Variants in CCSER2 observed in about 807,000 individuals in gnomAD.
CCSER2 encodes serine-rich coiled-coil domain-containing protein 2.
In CCSER2, 46 loss-of-function variants were observed where a neutral mutation model predicts 92.3. The ratio of observed to expected loss-of-function variants is 0.50; its 90% confidence interval spans 0.39 to 0.64. The LOEUF is 0.64. Among genes scored for constraint, CCSER2 ranks in the 30% least tolerant of loss-of-function variants. The pLI, the probability that CCSER2 is intolerant of heterozygous loss-of-function variation, is 0.00. For missense variants in CCSER2, 1,244 were observed against 1,238.9 expected (o/e 1.00, Z -0.06); for synonymous variants, 433 against 431.4 (o/e 1.00, Z -0.04).
chr10:84,458,584 A>G (rs566575685), intron 6 of CCSER2, among the ~76,000 whole-genome samples: 1 of 152,270 alleles, frequency 6.6e-6, no homozygotes, highest in East Asian at 1.9e-4. Context: ...TGGGATTTTG[A>G]TAGGGAGAAT....
intron 3 of CCSER2, among the ~76,000 whole-genome samples, chr10:84,397,605 C>T (rs1447204061): frequency 3.3e-5 from 5 of 152,172 alleles, no homozygotes; most frequent in Non-Finnish European, 7.3e-5. Flanking sequence ...AGTCTGCCAC[C>T]GACTGTTATA....
At chr10:84,388,916 CA>C (rs1841369863) in intron 3 of CCSER2, among the ~76,000 whole-genome samples, 1 of 152,130 alleles carries the variant, frequency 6.6e-6, no homozygotes, top group African/African-American at 2.4e-5. Flanking sequence ...AGTTCTTAAC[CA>C]GCCATAGACT....
chr10:84,490,780 C>T (rs1175763542), intron 9 of CCSER2, among the ~76,000 whole-genome samples: 2 of 152,204 alleles, frequency 1.3e-5, no homozygotes, highest in African/African-American at 2.4e-5. Context: ...CCATTGCTGG[C>T]GAGGAGCTGC....
chr10:84,435,404 C>T (rs1239900272), intron 5 of CCSER2, among the ~76,000 whole-genome samples: 1 of 152,126 alleles, frequency 6.6e-6, no homozygotes, highest in Non-Finnish European at 1.5e-5. Context: ...ATATTCCATA[C>T]CTGATTCTCA....
intron 5 of CCSER2, among the ~76,000 whole-genome samples, chr10:84,435,293 C>A (rs1844038214): frequency 6.6e-6 from 1 of 152,110 alleles, no homozygotes; most frequent in Non-Finnish European, 1.5e-5. Flanking sequence ...GATGTCAGTT[C>A]TTTGTTTCAG....
chr10:84,391,523 C>G, intron 3 of CCSER2: 1 of 1,509,322 alleles, frequency 6.6e-7, no homozygotes, highest in Non-Finnish European at 9.2e-7. Context: ...GGGAATCAAC[C>G]CAAATCCAGA....
chr10:84,470,809 G>A (rs1053402290), intron 8 of CCSER2, among the ~76,000 whole-genome samples: 5 of 152,010 alleles, frequency 3.3e-5, no homozygotes, highest in African/African-American at 4.8e-5. Flanking sequence ...TTCTCTCTCT[G>A]TGAGCAGAAT....
At chr10:84,487,291 G>T (rs916128251) in intron 9 of CCSER2, among the ~76,000 whole-genome samples, 2 of 152,142 alleles carry the variant, frequency 1.3e-5, no homozygotes. Flanking sequence ...AAAGTAATTG[G>T]TAGCTTGATG....
intron 7 of CCSER2, 108 bp downstream of exon 7, chr10:84,464,124 A>C: frequency 1.7e-6 from 1 of 582,812 alleles, no homozygotes; most frequent in Non-Finnish European, 2.9e-6. Context: ...CTAAAGCATC[A>C]GGTTTGTTCT....
At chr10:84,464,375 T>A (rs1484009798) in intron 7 of CCSER2, among the ~76,000 whole-genome samples, 1 of 152,144 alleles carries the variant, frequency 6.6e-6, no homozygotes, top group Non-Finnish European at 1.5e-5. Flanking sequence ...GAAAATGAGA[T>A]TAATTTCTTT....
intron 9 of CCSER2, among the ~76,000 whole-genome samples, chr10:84,484,821 C>A (rs1407196982): frequency 6.6e-6 from 1 of 152,006 alleles, no homozygotes; most frequent in East Asian, 1.9e-4. Flanking sequence ...TTATGTTTGT[C>A]ATTTCTTCTA....
intron 5 of CCSER2, among the ~76,000 whole-genome samples, chr10:84,429,265 A>G (rs1007760502): frequency 1.8e-4 from 27 of 151,720 alleles, no homozygotes; most frequent in African/African-American, 6.5e-4. Flanking sequence ...ATTTTTATAG[A>G]TATTCTGTAG....
chr10:84,383,412 G>A (rs970990106), intron 3 of CCSER2, among the ~76,000 whole-genome samples: 2 of 151,960 alleles, frequency 1.3e-5, no homozygotes, highest in African/African-American at 2.4e-5. Flanking sequence ...CTGAGTTCAC[G>A]CCACTCTCCT....
At chr10:84,351,342 G>A (rs1408382001) in intron 1 of CCSER2, among the ~76,000 whole-genome samples, 2 of 151,670 alleles carry the variant, frequency 1.3e-5, no homozygotes, top group South Asian at 2.1e-4. Context: ...AGCGATTCTT[G>A]TGCCTCAGTG....
At chr10:84,487,687 C>G in intron 9 of CCSER2, among the ~76,000 whole-genome samples, 1 of 152,178 alleles carries the variant, frequency 6.6e-6, no homozygotes, top group East Asian at 1.9e-4. Context: ...CATCTGCAAA[C>G]AGGGACAATT....
At chr10:84,448,752 G>A (rs983473280) in intron 6 of CCSER2, among the ~76,000 whole-genome samples, 1 of 152,182 alleles carries the variant, frequency 6.6e-6, no homozygotes, top group South Asian at 2.1e-4. Flanking sequence ...TCTCAAACCC[G>A]GCCCAGGCAA....
At chr10:84,490,802 G>T (rs1158300857) in intron 9 of CCSER2, among the ~76,000 whole-genome samples, 1 of 152,246 alleles carries the variant, frequency 6.6e-6, no homozygotes, top group Non-Finnish European at 1.5e-5. Flanking sequence ...TTCCTTTGGA[G>T]GGGGAGAGGT....
rs531179149 is a variant in CCSER2 at position 84,421,521 on chromosome 10, C to T, written c.1705+3660C>T. The stretch of plus-strand genomic sequence containing the variant: ...AATGATCAGATCTCATGAGAACTCA[C>T]TATCACCAGAACATCATGGAGGAAA... On this transcript the variant is annotated intron_variant, in intron 4 of 9. Coordinates refer to ENST00000372088, the MANE Select transcript of CCSER2 (RefSeq NM_001284240.2). Among the ~76,000 whole-genome samples, 26 of 152,214 alleles carry T rather than the reference C, an allele frequency of 1.7e-4. 4 individuals carry two copies. Among genetic ancestry groups the T allele is most frequent in the Admixed American group, 9.8e-4 (15 of 15,288 alleles).
At chr10:84,457,341 A>AT (rs1329520516) in intron 6 of CCSER2, among the ~76,000 whole-genome samples, 13,845 of 60,618 alleles carry the variant, frequency 0.23, 1,587 homozygotes, top group East Asian at 0.42. Context: ...TATATTATAT[A>AT]TTATATATAA....
Sources: allele counts gnomAD v4.1 joint callset (sites outside exome capture counted in the v4.1 genomes callset), GRCh38; gene constraint gnomAD v4.1.1; transcripts MANE v1.5; gene names NCBI Gene and HGNC (gene_info 2026-07-23, HGNC 2026-07-21).